The following OLFM4 variants were observed in gnomAD, a reference collection of about 807,000 sequenced individuals.
OLFM4 encodes the protein olfactomedin-4.
Under a neutral mutation model 25.5 loss-of-function variants are expected in OLFM4, and 22 were observed. The ratio of observed to expected loss-of-function variants is 0.86; its 90% CI spans 0.62 to 1.23. The LOEUF (loss-of-function observed/expected upper bound fraction) is 1.23. Among genes scored for constraint, OLFM4 ranks in the 50% most tolerant of loss-of-function variants. The pLI is 0.00. For synonymous variants in OLFM4, 255 were observed against 237.7 expected, an observed-to-expected ratio of 1.07 and a Z score of -0.67; for missense variants, 594 against 619.4, an observed-to-expected ratio of 0.96 and a Z score of 0.44.
At chr13:53,031,085 T>C (rs1049444584) in intron 1 of OLFM4, among the ~76,000 whole-genome samples, 2 of 152,230 alleles carry the variant, frequency 1.3e-5, no homozygotes, top group Non-Finnish European at 2.9e-5. Flanking sequence ...ATGCCTATTG[T>C]CTGGTAAAAA....
intron 2 of OLFM4, among the ~76,000 whole-genome samples, chr13:53,037,030 C>A (rs146146872): frequency 7.0e-4 from 106 of 152,312 alleles, no homozygotes; most frequent in African/African-American, 2.5e-3. Context: ...TAGCTGAGGG[C>A]TTTCGAATTT....
rs576375185 is a variant in OLFM4 at position 53,038,132 on chromosome 13, A to T, written c.357+3632A>T. 2.0e-5 allele frequency among the ~76,000 whole-genome samples: 3 copies of T among 152,256 alleles called. No individual in the cohort carries two copies. In the East Asian group the frequency reaches 5.8e-4, roughly 29 times the overall value. ...GAGGAGCTTCGAGATAAAGATGTTGACACAGGACGTGTCTCCTCAAGGCTA... is the reference window on the plus strand; with the variant it reads ...GAGGAGCTTCGAGATAAAGATGTTGTCACAGGACGTGTCTCCTCAAGGCTA... On this transcript the variant is annotated intron_variant, in intron 2 of 4. Coordinates refer to ENST00000219022, the MANE Select transcript of OLFM4 (RefSeq NM_006418.5).
chr13:53,043,258 A>C lies in OLFM4; in HGVS notation c.724A>C (p.Thr242Pro), dbSNP rs1954697411. Residue 242 changes from threonine (T) to proline (P), a missense_variant, in exon 4 of 5, where the codon ACT becomes CCT. Thr to Pro is a conservative substitution (Grantham distance 38). Transcript: ENST00000219022. ...QNTPVVHPPPTPGSCGHGGVV... is the reference protein window; with the variant it reads ...QNTPVVHPPPPPGSCGHGGVV... The stretch of plus-strand genomic sequence containing the variant: ...CACCCCTGTCGTCCACCCTCCTCCC[A>C]CTCCAGGTAAGCATGCCAGTTTTTT... 5 of 1,594,590 alleles carry C rather than the reference A, an allele frequency of 3.1e-6. No individual in the cohort carries two copies. The African/African-American group carries it at 6.8e-5, about 22-fold the overall frequency.
intron 2 of OLFM4, among the ~76,000 whole-genome samples, chr13:53,037,091 A>T (rs1954662784): frequency 6.6e-6 from 1 of 152,208 alleles, no homozygotes; most frequent in Non-Finnish European, 1.5e-5. Context: ...ATTGTCATTT[A>T]TCCGGGGGCC....
rs960759607 is a variant in OLFM4 at position 53,050,788 on chromosome 13, G to A, written c.*17G>A. The A allele has an allele frequency of 3.2e-5, 50 of 1,544,020 alleles. No homozygotes were observed. Among genetic ancestry groups the A allele is most frequent in the Non-Finnish European group, 4.3e-5 (50 of 1,151,048 alleles). The stretch of plus-strand genomic sequence containing the variant: ...CCCCAGTAAGCTGTTTAGGAGTTAG[G>A]GTGAAAGAGAAAATGTTTGTTGAAA... On this transcript the variant is annotated 3_prime_UTR_variant, in exon 5 of 5. Coordinates refer to ENST00000219022, the MANE Select transcript of OLFM4 (RefSeq NM_006418.5).
chr13:53,038,189 G>A (rs534708435), intron 2 of OLFM4, among the ~76,000 whole-genome samples: 6 of 152,082 alleles, frequency 3.9e-5, no homozygotes, highest in African/African-American at 1.4e-4. Context: ...GTTTAGCAGC[G>A]TCCCTGGTCT....
intron 1 of OLFM4, among the ~76,000 whole-genome samples, chr13:53,032,724 A>AT (rs5803627): frequency 0.54 from 81,677 of 150,722 alleles, 23,140 homozygotes; most frequent in African/African-American, 0.73. Flanking sequence ...ACACACACAT[A>AT]TTTTTTTTTT....
intron 4 of OLFM4, among the ~76,000 whole-genome samples, chr13:53,045,232 T>A (rs925049650): frequency 1.3e-5 from 2 of 152,064 alleles, no homozygotes; most frequent in Non-Finnish European, 2.9e-5. Context: ...GTTGGATTTT[T>A]TTTTTCCCAG....
intron 4 of OLFM4, among the ~76,000 whole-genome samples, chr13:53,044,204 C>T (rs567777590): frequency 5.9e-5 from 9 of 152,248 alleles, no homozygotes; most frequent in East Asian, 3.9e-4. Flanking sequence ...ATAATTGAAG[C>T]GAAAGCCTTG....
In OLFM4 at chr13:53,041,839, G is replaced by T. The variant is rs538402003; in HGVS notation, c.358-71G>T. ...AGAATCAAATAGTTCTCAACTCAAG[G>T]GCTCGGTAGTGGAAGAAGATGGTGT... On this transcript the variant is annotated intron_variant, in intron 2 of 4. Transcript: ENST00000219022. 4 of 1,032,810 alleles carry T rather than the reference G, an allele frequency of 3.9e-6. No individual in the cohort carries two copies. In the East Asian group the frequency reaches 9.6e-5, roughly 25 times the overall value. The allele number at this position is 1,032,810 out of a possible 1,614,324, so 64.0% of individuals were successfully genotyped here.
intron 2 of OLFM4, among the ~76,000 whole-genome samples, chr13:53,040,148 A>G (rs1054207877): frequency 6.6e-6 from 1 of 152,218 alleles, no homozygotes; most frequent in African/African-American, 2.4e-5. Flanking sequence ...TAAAAAAGCC[A>G]TGGCATTTTC....
At position 53,050,009 on chromosome 13, in the gene OLFM4, G is replaced by A. The variant is rs143612130; in HGVS notation, c.771G>A (p.Pro257=). Residue 257 remains proline, a synonymous_variant, in exon 5 of 5, where the codon CCG becomes CCA. Coordinates refer to ENST00000219022, the MANE Select transcript of OLFM4 (RefSeq NM_006418.5). ...GHGGVVNISK[P]SVVQLNWRGF... is the part of the protein sequence containing the mutation. ...GTGGTGTGGTGAACATCAGCAAACC[G>A]TCTGTGGTTCAGCTCAACTGGAGAG... is the stretch of plus-strand genomic sequence containing the variant. The A allele has an allele frequency of 2.2e-4, 361 of 1,612,290 alleles. 2 individuals carry two copies. The highest frequency in any genetic ancestry group is 7.5e-4 in the African/African-American group (56 of 75,002).
At chr13:53,035,016 C>T (rs1593478167) in intron 2 of OLFM4, among the ~76,000 whole-genome samples, 2 of 151,906 alleles carry the variant, frequency 1.3e-5, no homozygotes, top group East Asian at 3.9e-4. Context: ...TCTAATCTCT[C>T]TTTTCCTTTC....
At chr13:53,047,306 G>A (rs938226929) in intron 4 of OLFM4, among the ~76,000 whole-genome samples, 8 of 152,164 alleles carry the variant, frequency 5.3e-5, no homozygotes, top group African/African-American at 1.9e-4. Flanking sequence ...GATGGGATGG[G>A]GGGATGGGGA....
intron 2 of OLFM4, among the ~76,000 whole-genome samples, chr13:53,036,661 T>C (rs1302044871): frequency 2.6e-5 from 4 of 152,346 alleles, no homozygotes; most frequent in East Asian, 1.9e-4. Context: ...AAAGTTTATC[T>C]GCTAGCTAGG....
At position 53,028,952 on chromosome 13, in the gene OLFM4, G is replaced by A. The variant is rs1954613179; in HGVS notation, c.116G>A (p.Gly39Asp). Residue 39 changes from glycine (G) to aspartate (D), a missense_variant, in exon 1 of 5, where the codon GGT becomes GAT. Gly to Asp is a moderately conservative substitution (Grantham distance 94). Coordinates refer to ENST00000219022, the MANE Select transcript of OLFM4 (RefSeq NM_006418.5). ...AGCCCCGGCTTCAGCTCTTTCCCAG[G>A]TGTTGACTCCAGCTCCAGCTTCAGC... ...IPSPGFSSFP[G>D]VDSSSSFSSS... 4 of 1,614,102 alleles carry A rather than the reference G, an allele frequency of 2.5e-6. No homozygotes were observed. The highest frequency in any genetic ancestry group is 1.1e-5 in the South Asian group (1 of 91,090).
intron 1 of OLFM4, among the ~76,000 whole-genome samples, chr13:53,032,898 A>C (rs1314403262): frequency 6.6e-6 from 1 of 152,162 alleles, no homozygotes; most frequent in Non-Finnish European, 1.5e-5. Flanking sequence ...AGGACCCATT[A>C]CACCACCTGC....
chr13:53,039,563 A>G (rs1369744832), intron 2 of OLFM4, among the ~76,000 whole-genome samples: 1 of 152,228 alleles, frequency 6.6e-6, no homozygotes, highest in Non-Finnish European at 1.5e-5. Flanking sequence ...TGTTTTAGGT[A>G]TTATAAGTAA....
intron 4 of OLFM4, among the ~76,000 whole-genome samples, chr13:53,046,690 AC>A (rs2138241410): frequency 6.6e-6 from 1 of 152,146 alleles, no homozygotes; most frequent in Non-Finnish European, 1.5e-5. Context: ...AGACATCTAA[AC>A]CTCCAGTTGT....
Sources: gnomAD v4.1 joint callset for allele counts (sites outside exome capture counted in the v4.1 genomes callset) on GRCh38, gnomAD v4.1.1 for gene constraint, MANE v1.5 for transcripts, NCBI Gene and HGNC (gene_info 2026-07-23, HGNC 2026-07-21) for gene names.